The following IRX3 variants were observed in gnomAD, a reference collection of about 807,000 sequenced individuals.
IRX3 encodes iroquois-class homeodomain protein IRX-3.
Under a neutral mutation model 36.4 loss-of-function variants are expected in IRX3, and 20 were observed. The observed-to-expected ratio is 0.55, with a 90% CI of 0.39 to 0.80. The LOEUF (loss-of-function observed/expected upper bound fraction) is 0.80, where lower values mean the gene tolerates loss of function less well. Ranked by LOEUF, IRX3 falls within the 30% of genes least tolerant of loss-of-function variation. The pLI, the probability that IRX3 is intolerant of heterozygous loss-of-function variation, is 0.00. For synonymous variants in IRX3, 404 were observed against 351.6 expected (o/e 1.15, Z -1.67); for missense variants, 718 against 733.2 (o/e 0.98, Z 0.24).
At position 54,286,696 on chromosome 16, in the gene IRX3, C is replaced by T. The variant is rs898462798; in HGVS notation, c.-646G>A. The stretch of plus-strand genomic sequence containing the variant: ...TTACTCACACGATACTCCCCGCGAC[C>T]TTTCCAGCCTCTGCGCCCTGGGCTA... On this transcript the variant is annotated 5_prime_UTR_variant, in exon 1 of 4. Coordinates refer to ENST00000329734, the MANE Select transcript of IRX3 (RefSeq NM_024336.3). 13 of 152,398 alleles carry T rather than the reference C, an allele frequency of 8.5e-5. No individual in the cohort carries two copies. The highest frequency in any genetic ancestry group is 5.9e-4 in the Admixed American group (9 of 15,278). The allele number at this position is 152,398 out of a possible 1,614,324, so 9.4% of individuals were successfully genotyped here.
Position 54,285,724 on chromosome 16 carries a change from G to C in IRX3, c.267+60C>G. The C allele has an allele frequency of 2.7e-6, 4 of 1,465,702 alleles. No individual in the cohort carries two copies. Among genetic ancestry groups the C allele is most frequent in the South Asian group, 1.4e-5 (1 of 70,022 alleles). 90.8% of individuals were successfully genotyped at this position (1,465,702 alleles called of 1,614,324 possible). On this transcript the variant is annotated intron_variant, in intron 1 of 3. Transcript: ENST00000329734. The surrounding 1 kb of genome is among the most constrained non-coding windows in gnomAD (Gnocchi z 5.7). ...CACCCCTCTAGTCCGGCCCCCGCGCGCTCAGCTCGCCCTGCGCCCCAGCGC... is the reference window on the plus strand; with the variant it reads ...CACCCCTCTAGTCCGGCCCCCGCGCCCTCAGCTCGCCCTGCGCCCCAGCGC...
chr16:54,284,509 C>T lies in IRX3; in HGVS notation c.1372G>A (p.Glu458Lys). The stretch of plus-strand genomic sequence containing the variant: ...GCTCAGCAGTCACCTGTTCCGCCTT[C>T]GGGCTCCGCTGGCCGAGCGAAGGCG... ...AAAFARPAEP[E>K]GGTDRCSALE... The change falls in exon 2 of 4, where the codon GAA becomes AAA. Residue 458 changes from glutamate (E) to lysine (K), a missense_variant. Around this residue, in one of 3 missense-constraint regions of IRX3, gnomAD observed 468 missense variants for 462.1 expected, o/e 1.01. Transcript: ENST00000329734. This position sits in a 1 kb window ranked among gnomAD's most constrained non-coding sequence, Gnocchi z 4.0. 1 of 1,404,984 alleles carries T rather than the reference C, an allele frequency of 7.1e-7. No individual in the cohort carries two copies. Among genetic ancestry groups the T allele is most frequent in the Non-Finnish European group, 9.2e-7 (1 of 1,091,660 alleles). 87.0% of individuals were successfully genotyped at this position (1,404,984 alleles called of 1,614,324 possible).
chr16:54,284,083 G>T lies in IRX3; in HGVS notation c.1451+163C>A. On this transcript the variant is annotated intron_variant, in intron 3 of 3. Coordinates refer to ENST00000329734, the MANE Select transcript of IRX3 (RefSeq NM_024336.3). The surrounding 1 kb of genome is among the most constrained non-coding windows in gnomAD (Gnocchi z 4.0). ...GCTGGACCTGGAGAGCTGTCGCAGG[G>T]CCGACAGGGGCGACTGAAAAAGTGA... 1 of 1,110,854 alleles carries T rather than the reference G, an allele frequency of 9.0e-7. No homozygotes were observed. The highest frequency in any genetic ancestry group is 1.3e-6 in the Non-Finnish European group (1 of 798,856). The allele number at this position is 1,110,854 out of a possible 1,614,324, so 68.8% of individuals were successfully genotyped here. A position where few individuals can be genotyped will look rare whatever the true frequency, so the allele number is the denominator to read the frequency against.
Position 54,285,157 on chromosome 16 carries a change from C to T in IRX3, c.724G>A (p.Gly242Ser). Residue 242 changes from glycine to serine, a missense_variant, in exon 2 of 4, where the codon GGC (glycine) becomes AGC (serine). Physicochemically the swap from Gly to Ser is moderately conservative, Grantham distance 56. Around this residue, in one of 3 missense-constraint regions of IRX3, gnomAD observed 468 missense variants for 462.1 expected, o/e 1.01. Transcript: ENST00000329734. The surrounding 1 kb of genome is among the most constrained non-coding windows in gnomAD (Gnocchi z 5.7). ...TCGTCGTCGTCAGCCAGGCCCTCGCCCCCCGTGTCCTCCTCCTCCCCCCCG... is the reference window on the plus strand; with the variant it reads ...TCGTCGTCGTCAGCCAGGCCCTCGCTCCCCGTGTCCTCCTCCTCCCCCCCG... ...ELGGEEEDTG[G>S]EGLADDDEDE... is the part of the protein sequence containing the mutation. The T allele has an allele frequency of 6.2e-7, 1 of 1,607,458 alleles. No individual in the cohort carries two copies. The highest frequency in any genetic ancestry group is 8.5e-7 in the Non-Finnish European group (1 of 1,177,102).
In IRX3 at chr16:54,286,129, C is replaced by G. The variant is rs1481975008; in HGVS notation, c.-79G>C. On this transcript the variant is annotated 5_prime_UTR_variant, in exon 1 of 4. Transcript: ENST00000329734. ...TCAGCGCCGCCCGCGGGCTCCGGCGCGCATCGGGGGCTGGGCCGGGCTTGG... is the reference window on the plus strand; with the variant it reads ...TCAGCGCCGCCCGCGGGCTCCGGCGGGCATCGGGGGCTGGGCCGGGCTTGG... 2 of 1,164,032 alleles carry G rather than the reference C, an allele frequency of 1.7e-6. No homozygotes were observed. The highest frequency in any genetic ancestry group is 2.1e-6 in the Non-Finnish European group (2 of 938,198). The allele number at this position is 1,164,032 out of a possible 1,614,324, so 72.1% of individuals were successfully genotyped here. A position where few individuals can be genotyped will look rare whatever the true frequency, so the allele number is the denominator to read the frequency against.
In IRX3 at chr16:54,285,178, C is replaced by G. The variant is rs1271406570; in HGVS notation, c.703G>C (p.Gly235Arg). 1.5e-5 allele frequency: 24 copies of G among 1,603,120 alleles called. No individual in the cohort carries two copies. The highest frequency in any genetic ancestry group is 2.0e-5 in the Non-Finnish European group (24 of 1,174,820). The change falls in exon 2 of 4, where the codon GGG becomes CGG. Residue 235 changes from glycine to arginine, a missense_variant. Gly to Arg is a moderately radical substitution (Grantham distance 125, BLOSUM62 -2). This residue lies in a region of IRX3 where 468 missense variants were observed against 462.1 expected (regional missense o/e 1.01). Coordinates refer to ENST00000329734, the MANE Select transcript of IRX3 (RefSeq NM_024336.3). The surrounding 1 kb of genome is among the most constrained non-coding windows in gnomAD (Gnocchi z 5.7). The stretch of plus-strand genomic sequence containing the variant: ...TCGCCCCCCGTGTCCTCCTCCTCCC[C>G]CCCGAGCTCCTCCTCCTCCAGCTCT... The part of the protein sequence containing the change: ...ELELEEEELG[G>R]EEEDTGGEGL...
In IRX3 at chr16:54,284,029, T is replaced by G; in HGVS notation, c.1451+217A>C. The stretch of plus-strand genomic sequence containing the variant: ...CTTCCCCTAGAAGGTACAAGCGCTG[T>G]ACCCTCCGGCCGCGCCTGGGGTGCC... On this transcript the variant is annotated intron_variant, in intron 3 of 3. Coordinates refer to ENST00000329734, the MANE Select transcript of IRX3 (RefSeq NM_024336.3). This position sits in a 1 kb window ranked among gnomAD's most constrained non-coding sequence, Gnocchi z 4.0. 2 of 1,372,284 alleles carry G rather than the reference T, an allele frequency of 1.5e-6. No individual in the cohort carries two copies. The highest frequency in any genetic ancestry group is 1.5e-5 in the South Asian group (1 of 65,350). 85.0% of individuals were successfully genotyped at this position (1,372,284 alleles called of 1,614,324 possible).
chr16:54,286,260 C>A lies in IRX3; in HGVS notation c.-210G>T. On this transcript the variant is annotated 5_prime_UTR_variant, in exon 1 of 4. Coordinates refer to ENST00000329734, the MANE Select transcript of IRX3 (RefSeq NM_024336.3). ...GCGGCGGCGAGGAGCCAGGTCAGGT[C>A]CGAACAGATTGGCGGAGATTCCCGG... 9.9e-7 allele frequency: 1 copy of A among 1,006,872 alleles called. No individual in the cohort carries two copies. Among genetic ancestry groups the A allele is most frequent in the Non-Finnish European group, 1.2e-6 (1 of 844,698 alleles). The allele number at this position is 1,006,872 out of a possible 1,614,324, so 62.4% of individuals were successfully genotyped here.
chr16:54,284,590 C>A lies in IRX3; in HGVS notation c.1291G>T (p.Ala431Ser). 1.4e-6 allele frequency: 2 copies of A among 1,386,998 alleles called. No homozygotes were observed. Among genetic ancestry groups the A allele is most frequent in the Non-Finnish European group, 1.8e-6 (2 of 1,083,042 alleles). The allele number at this position is 1,386,998 out of a possible 1,614,324, so 85.9% of individuals were successfully genotyped here. ...GGAAGTCCCAGCAGGTGCGGAGGGGCAGAGCCCAGCAGGGAGAGCGGGTGC... is the reference window on the plus strand; with the variant it reads ...GGAAGTCCCAGCAGGTGCGGAGGGGAAGAGCCCAGCAGGGAGAGCGGGTGC... ...RLHPLSLLGS[A>S]PPHLLGLPGA... The change falls in exon 2 of 4, where the codon GCC becomes TCC. Residue 431 changes from alanine (A) to serine (S), a missense_variant. By Grantham distance (99) the Ala-to-Ser change is moderately conservative. Coordinates refer to ENST00000329734, the MANE Select transcript of IRX3 (RefSeq NM_024336.3). This position sits in a 1 kb window ranked among gnomAD's most constrained non-coding sequence, Gnocchi z 4.0.
Position 54,283,495 on chromosome 16 carries a change from C to A in IRX3, c.*191G>T. 1 of 509,314 alleles carries A rather than the reference C, an allele frequency of 2.0e-6. No individual in the cohort carries two copies. Among genetic ancestry groups the A allele is most frequent in the Non-Finnish European group, 3.6e-6 (1 of 280,086 alleles). 31.5% of individuals were successfully genotyped at this position (509,314 alleles called of 1,614,324 possible). A position where few individuals can be genotyped will look rare whatever the true frequency, so the allele number is the denominator to read the frequency against. On this transcript the variant is annotated 3_prime_UTR_variant, in exon 4 of 4. Transcript: ENST00000329734. This position sits in a 1 kb window ranked among gnomAD's most constrained non-coding sequence, Gnocchi z 4.4. The stretch of plus-strand genomic sequence containing the variant: ...ACCTCACAGCGAATGCGGGGTGCCA[C>A]AGAAGCGACTTGGGGAGGGCTGAGG...
rs1394038164 is a variant in IRX3, at chr16:54,283,679, T to C, written c.*7A>G. On this transcript the variant is annotated 3_prime_UTR_variant, in exon 4 of 4. Coordinates refer to ENST00000329734, the MANE Select transcript of IRX3 (RefSeq NM_024336.3). The surrounding 1 kb of genome is among the most constrained non-coding windows in gnomAD (Gnocchi z 4.4). ...GTTTTTTTTGTTTTTTTGTTTTTTT[T>C]AAAGAACTAGGATGAGGAGAGAGCC... 1.6e-6 allele frequency: 2 copies of C among 1,265,472 alleles called. No homozygotes were observed. Among genetic ancestry groups the C allele is most frequent in the East Asian group, 4.6e-5 (2 of 43,282 alleles). The allele number at this position is 1,265,472 out of a possible 1,614,324, so 78.4% of individuals were successfully genotyped here.
At position 54,285,781 on chromosome 16, in the gene IRX3, T is replaced by TA; in HGVS notation, c.267+2dup. 1 of 1,548,708 alleles carries TA rather than the reference T, an allele frequency of 6.5e-7. No individual in the cohort carries two copies. Among genetic ancestry groups the TA allele is most frequent in the South Asian group, 1.2e-5 (1 of 83,484 alleles). On this transcript the variant is annotated splice_region_variant and intron_variant, in intron 1 of 3. Transcript: ENST00000329734. The surrounding 1 kb of genome is among the most constrained non-coding windows in gnomAD (Gnocchi z 5.7). ...CTCCTTCCCTGGCTCCGCGGGCTCT[T>TA]ACCAGCTGCGGGAAGATGGGCAGCT...
chr16:54,285,191 C>T lies in IRX3; in HGVS notation c.690G>A (p.Glu230=). ...EDGKRELELE[E]EELGGEEEDT... is the part of the protein sequence containing the mutation. Reference sequence around the variant, plus strand: ...CCTCCTCCTCCCCCCCGAGCTCCTCCTCCTCCAGCTCTAGCTCGCGTTTGC... The same window carrying T: ...CCTCCTCCTCCCCCCCGAGCTCCTCTTCCTCCAGCTCTAGCTCGCGTTTGC... Residue 230 remains glutamate (E), a synonymous_variant, in exon 2 of 4, where the codon GAG becomes GAA. Coordinates refer to ENST00000329734, the MANE Select transcript of IRX3 (RefSeq NM_024336.3). This position sits in a 1 kb window ranked among gnomAD's most constrained non-coding sequence, Gnocchi z 5.7. The T allele has an allele frequency of 6.2e-7, 1 of 1,603,146 alleles. No individual in the cohort carries two copies. The highest frequency in any genetic ancestry group is 8.5e-7 in the Non-Finnish European group (1 of 1,174,890).
rs778667097 is a variant in IRX3 at position 54,285,808 on chromosome 16, C to T, written c.243G>A (p.Ala81=). 1.3e-6 allele frequency: 2 copies of T among 1,563,528 alleles called. No homozygotes were observed. The highest frequency in any genetic ancestry group is 1.7e-6 in the Non-Finnish European group (2 of 1,161,200). ...CCAGCTGCGGGAAGATGGGCAGCTC[C>T]GCGGCGTAGGGCAGGAAGGCGCCGT... The part of the protein sequence containing the change: ...QGYGAFLPYA[A]ELPIFPQLGA... The change falls in exon 1 of 4, where the codon GCG becomes GCA. Residue 81 remains alanine, a synonymous_variant. Transcript: ENST00000329734. This position sits in a 1 kb window ranked among gnomAD's most constrained non-coding sequence, Gnocchi z 5.7.
Position 54,285,747 on chromosome 16 carries a change from C to T in IRX3, c.267+37G>A. 2 of 1,496,528 alleles carry T rather than the reference C, an allele frequency of 1.3e-6. No homozygotes were observed. Among genetic ancestry groups the T allele is most frequent in the Non-Finnish European group, 1.8e-6 (2 of 1,132,204 alleles). The allele number at this position is 1,496,528 out of a possible 1,614,324, so 92.7% of individuals were successfully genotyped here. The stretch of plus-strand genomic sequence containing the variant: ...GCGCTCAGCTCGCCCTGCGCCCCAG[C>T]GCCAACCCCTCCTTCCCTGGCTCCG... On this transcript the variant is annotated intron_variant, in intron 1 of 3. Transcript: ENST00000329734. This position sits in a 1 kb window ranked among gnomAD's most constrained non-coding sequence, Gnocchi z 5.7.
rs753312059 is a variant in IRX3, at chr16:54,284,352, C to T, written c.1385-40G>A. 3.8e-6 allele frequency: 6 copies of T among 1,578,988 alleles called. No individual in the cohort carries two copies. Among genetic ancestry groups the T allele is most frequent in the African/African-American group, 1.4e-5 (1 of 71,984 alleles). Reference sequence around the variant, plus strand: ...GGAAGAAAAAGGAGGGCCTTTAGAGCGCTCGGTGCCGGCGCCCAGGGCCGC... The same window carrying T: ...GGAAGAAAAAGGAGGGCCTTTAGAGTGCTCGGTGCCGGCGCCCAGGGCCGC... On this transcript the variant is annotated intron_variant, in intron 2 of 3. Coordinates refer to ENST00000329734, the MANE Select transcript of IRX3 (RefSeq NM_024336.3). The surrounding 1 kb of genome is among the most constrained non-coding windows in gnomAD (Gnocchi z 4.0).
Position 54,285,136 on chromosome 16 carries a change from C to A in IRX3, c.745G>T (p.Asp249Tyr). Residue 249 changes from aspartate to tyrosine, a missense_variant, in exon 2 of 4, where the codon GAC (aspartate) becomes TAC (tyrosine). Physicochemically the swap from Asp to Tyr is radical, Grantham distance 160 (BLOSUM62 -3). This residue lies in a region of IRX3 where 468 missense variants were observed against 462.1 expected (regional missense o/e 1.01). Coordinates refer to ENST00000329734, the MANE Select transcript of IRX3 (RefSeq NM_024336.3). The surrounding 1 kb of genome is among the most constrained non-coding windows in gnomAD (Gnocchi z 5.7). ...TCCAAATCGATCTCCTCGTCCTCGT[C>A]GTCGTCAGCCAGGCCCTCGCCCCCC... ...DTGGEGLADD[D>Y]EDEEIDLENL... The A allele has an allele frequency of 1.2e-6, 2 of 1,612,206 alleles. No individual in the cohort carries two copies. Among genetic ancestry groups the A allele is most frequent in the Non-Finnish European group, 1.7e-6 (2 of 1,179,350 alleles).
In IRX3 at chr16:54,285,169, C is replaced by T. The variant is rs1470844898; in HGVS notation, c.712G>A (p.Glu238Lys). 4.4e-6 allele frequency: 7 copies of T among 1,603,376 alleles called. No homozygotes were observed. The highest frequency in any genetic ancestry group is 4.0e-5 in the African/African-American group (3 of 74,606). ...LEEEELGGEE[E>K]DTGGEGLADD... Reference sequence around the variant, plus strand: ...GCCAGGCCCTCGCCCCCCGTGTCCTCCTCCTCCCCCCCGAGCTCCTCCTCC... The same window carrying T: ...GCCAGGCCCTCGCCCCCCGTGTCCTTCTCCTCCCCCCCGAGCTCCTCCTCC... Residue 238 changes from glutamate (E) to lysine (K), a missense_variant, in exon 2 of 4, where the codon GAG becomes AAG. Transcript: ENST00000329734. This position sits in a 1 kb window ranked among gnomAD's most constrained non-coding sequence, Gnocchi z 5.7.
Position 54,284,758 on chromosome 16 carries a change from C to G in IRX3, c.1123G>C (p.Gly375Arg), listed in dbSNP as rs1459931374. 4.1e-6 allele frequency: 6 copies of G among 1,460,758 alleles called. No homozygotes were observed. The highest frequency in any genetic ancestry group is 2.7e-6 in the Non-Finnish European group (3 of 1,119,340). The allele number at this position is 1,460,758 out of a possible 1,614,324, so 90.5% of individuals were successfully genotyped here. A position where few individuals can be genotyped will look rare whatever the true frequency, so the allele number is the denominator to read the frequency against. ...SPPGAGGSPPGAAVAPSALQL... is the reference protein window; with the variant it reads ...SPPGAGGSPPRAAVAPSALQL... Reference sequence around the variant, plus strand: ...AGGGCGGAAGGCGCGACCGCTGCCCCCGGTGGAGACCCCCCCGCGCCGGGA... The same window carrying G: ...AGGGCGGAAGGCGCGACCGCTGCCCGCGGTGGAGACCCCCCCGCGCCGGGA... The change falls in exon 2 of 4, where the codon GGG becomes CGG. Residue 375 changes from glycine to arginine, a missense_variant. Gly to Arg is a moderately radical substitution (Grantham distance 125, BLOSUM62 -2). Around this residue, in one of 3 missense-constraint regions of IRX3, gnomAD observed 468 missense variants for 462.1 expected, o/e 1.01. Transcript: ENST00000329734. The surrounding 1 kb of genome is among the most constrained non-coding windows in gnomAD (Gnocchi z 4.0).
Sources: gnomAD v4.1 joint callset for allele counts on GRCh38, gnomAD v4.1.1 for gene constraint, gnomAD v4.1.1 regional missense constraint, Gnocchi (gnomAD v3.1) non-coding constraint, MANE v1.5 for transcripts, NCBI Gene and HGNC (gene_info 2026-07-23, HGNC 2026-07-21) for gene names.